CNTNAP2: variants seen among roughly 807,000 people sequenced by gnomAD.
The protein encoded by CNTNAP2 is contactin associated protein 2, also known as contactin-associated protein-like 2.
Under a neutral mutation model 155.2 loss-of-function variants are expected in CNTNAP2, and 98 were observed. The ratio of observed to expected loss-of-function variants is 0.63; its 90% CI spans 0.54 to 0.75. CNTNAP2 has a LOEUF of 0.75. CNTNAP2 is among the 30% of genes least tolerant of loss of function. CNTNAP2 has a pLI of 0.00. For missense variants in CNTNAP2, 1,727 were observed against 1,688.1 expected, an observed-to-expected ratio of 1.02 and a Z score of -0.40; for synonymous variants, 651 against 631.2, an observed-to-expected ratio of 1.03 and a Z score of -0.47.
intron 8 of CNTNAP2, among the ~76,000 whole-genome samples, chr7:147,242,968 A>ATTCCACAC (rs1293948000): frequency 5.8e-5 from 6 of 102,886 alleles, no homozygotes; most frequent in African/African-American, 1.1e-4. Flanking sequence ...TGAATGTTGT[A>ATTCCACAC]TTCCACACTA....
intron 1 of CNTNAP2, among the ~76,000 whole-genome samples, chr7:146,659,687 G>T (rs112675609): frequency 2.6e-5 from 4 of 152,238 alleles, no homozygotes; most frequent in African/African-American, 4.8e-5. Flanking sequence ...CTAGCCAAAA[G>T]AATTAAATAT....
At chr7:147,426,142 A>C (rs189708613) in intron 10 of CNTNAP2, among the ~76,000 whole-genome samples, 94 of 151,966 alleles carry the variant, frequency 6.2e-4, no homozygotes, top group African/African-American at 2.1e-3. Flanking sequence ...CGATGTGTAC[A>C]CAGGGAGGGT....
intron 12 of CNTNAP2, among the ~76,000 whole-genome samples, chr7:147,575,618 C>T (rs1304884685): frequency 1.3e-5 from 2 of 151,658 alleles, no homozygotes; most frequent in Non-Finnish European, 2.9e-5. Context: ...TACTCACCAT[C>T]CTAACCAAGG....
intron 11 of CNTNAP2, among the ~76,000 whole-genome samples, chr7:147,504,591 AG>A (rs1051241714): frequency 5.9e-5 from 9 of 151,470 alleles, no homozygotes; most frequent in African/African-American, 2.2e-4. Flanking sequence ...CGGGAGGCTA[AG>A]GCAGGAGAAT....
chr7:146,713,503 A>T (rs1801134166), intron 1 of CNTNAP2, among the ~76,000 whole-genome samples: 1 of 152,142 alleles, frequency 6.6e-6, no homozygotes, highest in Admixed American at 6.6e-5. Flanking sequence ...AGATAAGGGT[A>T]AGAATTTTGT....
At chr7:147,186,580 C>A (rs961876398) in intron 8 of CNTNAP2, among the ~76,000 whole-genome samples, 1 of 152,116 alleles carries the variant, frequency 6.6e-6, no homozygotes, top group Non-Finnish European at 1.5e-5. Context: ...ACAGCACTGA[C>A]CCCTGTTCTC....
intron 10 of CNTNAP2, among the ~76,000 whole-genome samples, chr7:147,431,401 G>T (rs1156716537): frequency 6.6e-6 from 1 of 151,966 alleles, no homozygotes; most frequent in Non-Finnish European, 1.5e-5. Context: ...CCTGTATATT[G>T]CACTGCTAGC....
At chr7:146,264,214 T>G (rs1799960850) in intron 1 of CNTNAP2, among the ~76,000 whole-genome samples, 1 of 151,890 alleles carries the variant, frequency 6.6e-6, no homozygotes, top group Admixed American at 6.6e-5. Context: ...GAGGCCGAGG[T>G]GGGCAGATCA....
In CNTNAP2 at chr7:146,377,696, A is replaced by G. The variant is rs545139486; in HGVS notation, c.97+260723A>G. Among the ~76,000 whole-genome samples the G allele has an allele frequency of 5.8e-4, 89 of 152,362 alleles. 1 individual carries two copies. The South Asian group carries it at 0.018, about 30-fold the overall frequency. ...TATCTCTGTCTACCCAGTTGCTCAA[A>G]TTAAAAGCCTGGAATAAGAGTCTTT... On this transcript the variant is annotated intron_variant, in intron 1 of 23. Transcript: ENST00000361727.
intron 2 of CNTNAP2, among the ~76,000 whole-genome samples, chr7:146,804,651 T>C (rs565362023): frequency 1.3e-5 from 2 of 152,290 alleles, no homozygotes; most frequent in East Asian, 3.9e-4. Flanking sequence ...TTGGTATTAA[T>C]TCTCCTTCAG....
At chr7:146,918,657 T>C (rs535086336) in intron 3 of CNTNAP2, among the ~76,000 whole-genome samples, 6 of 152,342 alleles carry the variant, frequency 3.9e-5, no homozygotes, top group African/African-American at 9.6e-5. Flanking sequence ...ACAATGTGCC[T>C]AGGCAGTGAT....
chr7:146,390,554 CTATA>C (rs1007357475), intron 1 of CNTNAP2, among the ~76,000 whole-genome samples: 1 of 148,842 alleles, frequency 6.7e-6, no homozygotes, highest in Admixed American at 6.7e-5. Context: ...TATATACACA[CTATA>C]TATATATATT....
chr7:147,310,218 G>T (rs1168627942), intron 9 of CNTNAP2, among the ~76,000 whole-genome samples: 1 of 151,844 alleles, frequency 6.6e-6, no homozygotes, highest in African/African-American at 2.4e-5. Flanking sequence ...CCTTTTTCTG[G>T]CTCTTACAAC....
At chr7:147,315,953 G>C (rs999847811) in intron 9 of CNTNAP2, among the ~76,000 whole-genome samples, 1 of 151,548 alleles carries the variant, frequency 6.6e-6, no homozygotes, top group African/African-American at 2.4e-5. Flanking sequence ...ATACATATAT[G>C]TGTGTATATA....
chr7:147,765,634 A>G (rs1036026637), intron 13 of CNTNAP2, among the ~76,000 whole-genome samples: 2 of 152,188 alleles, frequency 1.3e-5, no homozygotes, highest in Non-Finnish European at 2.9e-5. Flanking sequence ...TTTGGGATGT[A>G]AAATGTTATG....
intron 1 of CNTNAP2, among the ~76,000 whole-genome samples, chr7:146,259,532 C>A (rs1799889181): frequency 6.6e-6 from 1 of 152,160 alleles, no homozygotes; most frequent in African/African-American, 2.4e-5. Flanking sequence ...GTAAAGGTCA[C>A]TTATGCTGTG....
rs1442799368 is a variant in CNTNAP2 at position 148,128,634 on chromosome 7, T to C, written c.2554+10346T>C. Among the ~76,000 whole-genome samples the C allele has an allele frequency of 2.6e-5, 4 of 152,364 alleles. No individual in the cohort carries two copies. In the East Asian group the frequency reaches 7.7e-4, roughly 29 times the overall value. ...CACTGAAGGGACAGTTATTTGAATGTACAGTAGAGGTATCCTAGAGTTATG... is the reference window on the plus strand; with the variant it reads ...CACTGAAGGGACAGTTATTTGAATGCACAGTAGAGGTATCCTAGAGTTATG... On this transcript the variant is annotated intron_variant, in intron 16 of 23. Transcript: ENST00000361727.
chr7:147,692,869 T>A (rs977493232), intron 13 of CNTNAP2, among the ~76,000 whole-genome samples: 2 of 152,194 alleles, frequency 1.3e-5, no homozygotes, highest in Admixed American at 1.3e-4. Flanking sequence ...CTTGCCATTT[T>A]TTCCCTAAAG....
Position 147,272,787 on chromosome 7 carries a change from G to A in CNTNAP2, c.1349-27354G>A, listed in dbSNP as rs180840141. Among the ~76,000 whole-genome samples the A allele has an allele frequency of 4.4e-4, 67 of 151,958 alleles. 1 individual carries two copies. The East Asian group carries it at 0.011, about 26-fold the overall frequency. On this transcript the variant is annotated intron_variant, in intron 8 of 23. Transcript: ENST00000361727. ...CTCCTAAAGTGCTGGGATTACAGGC[G>A]TGAGCCACTGCGCCTGGCCATGTAT...
Sources: gnomAD v4.1 joint callset for allele counts (sites outside exome capture counted in the v4.1 genomes callset) on GRCh38, gnomAD v4.1.1 for gene constraint, MANE v1.5 for transcripts, NCBI Gene and HGNC (gene_info 2026-07-23, HGNC 2026-07-21) for gene names.